The following EXO1 variants were observed in gnomAD, a reference collection of about 807,000 sequenced individuals.
EXO1 encodes exonuclease 1.
In EXO1, 69 loss-of-function variants were observed where a neutral mutation model predicts 84.5. The ratio of observed to expected loss-of-function variants is 0.82; its 90% confidence interval spans 0.67 to 1.00. EXO1 has a LOEUF of 1.00. Among genes scored for constraint, EXO1 ranks in the 50% least tolerant of loss-of-function variants. The pLI is 0.00. For missense variants in EXO1, 1,045 were observed against 1,000.7 expected (o/e 1.04, Z -0.60); for synonymous variants, 373 against 366.1 (o/e 1.02, Z -0.21).
At chr1:241,876,752 G>T (rs1275652412) in intron 12 of EXO1, among the ~76,000 whole-genome samples, 1 of 152,130 alleles carries the variant, frequency 6.6e-6, no homozygotes, top group Non-Finnish European at 1.5e-5. Flanking sequence ...GAGAGGTTAA[G>T]CATTCTCAAA....
intron 14 of EXO1, among the ~76,000 whole-genome samples, chr1:241,882,353 T>A (rs940241912): frequency 2.0e-5 from 3 of 152,138 alleles, no homozygotes; most frequent in Non-Finnish European, 4.4e-5. Flanking sequence ...CAAGATCTTG[T>A]GGATAAATAT....
rs1348876025 is a variant in EXO1 at position 241,879,105 on chromosome 1, C to T, written c.1871C>T (p.Pro624Leu). The T allele has an allele frequency of 1.2e-6, 2 of 1,613,926 alleles. No individual in the cohort carries two copies. The highest frequency in any genetic ancestry group is 1.7e-6 in the Non-Finnish European group (2 of 1,179,790). ...GLGDFSRTPS[P>L]SPSTALQQFR... Reference sequence around the variant, plus strand: ...GGAGATTTTTCAAGAACGCCGAGCCCCTCTCCAAGCACAGCATTGCAGCAG... The same window carrying T: ...GGAGATTTTTCAAGAACGCCGAGCCTCTCTCCAAGCACAGCATTGCAGCAG... The change falls in exon 13 of 16, where the codon CCC becomes CTC. Residue 624 changes from proline (P) to leucine (L), a missense_variant. Transcript: ENST00000366548.
At chr1:241,858,781 A>G in intron 8 of EXO1, 63 bp downstream of exon 8, 1 of 1,051,226 alleles carries the variant, frequency 9.5e-7, no homozygotes, top group Non-Finnish European at 1.5e-6. Context: ...AAAATAATAA[A>G]TCATAATATG....
intron 11 of EXO1, among the ~76,000 whole-genome samples, chr1:241,871,796 G>T (rs1208341047): frequency 6.6e-6 from 1 of 151,870 alleles, no homozygotes; most frequent in Non-Finnish European, 1.5e-5. Context: ...ATTTTAACAT[G>T]AAATTGTATA....
rs4149962 is a variant in EXO1 at position 241,872,046 on chromosome 1, G to A, written c.1282G>A (p.Asp428Asn). 1.9e-6 allele frequency: 3 copies of A among 1,612,838 alleles called. No individual in the cohort carries two copies. The African/African-American group carries it at 4.0e-5, about 22-fold the overall frequency. ...KRPRSAELSE[D>N]DLLSQYSLSF... Reference sequence around the variant, plus strand: ...TTTTTATTTAGCAGAGCTGTCAGAAGATGACCTGTTGAGTCAGTATTCTCT... The same window carrying A: ...TTTTTATTTAGCAGAGCTGTCAGAAAATGACCTGTTGAGTCAGTATTCTCT... The change falls in exon 12 of 16, where the codon GAT becomes AAT. Residue 428 changes from aspartate to asparagine, a missense_variant. Transcript: ENST00000366548.
Position 241,881,959 on chromosome 1 carries a change from A to G in EXO1, c.2153A>G (p.Gln718Arg), listed in dbSNP as rs1226492220. Residue 718 changes from glutamine (Q) to arginine (R), a missense_variant, in exon 14 of 16, where the codon CAG becomes CGG. By Grantham distance (43) the Gln-to-Arg change is conservative (BLOSUM62 1). Transcript: ENST00000366548. ...AAGTTACTTGACAGTCAAAGTGACC[A>G]GACCTCCAAGCTACGTTTATCTCAT... is the stretch of plus-strand genomic sequence containing the variant. ...NIKLLDSQSD[Q>R]TSKLRLSHFS... The G allele has an allele frequency of 6.3e-7, 1 of 1,584,666 alleles. No homozygotes were observed. The highest frequency in any genetic ancestry group is 1.1e-5 in the South Asian group (1 of 89,036).
At chr1:241,867,204 A>G in intron 11 of EXO1, 149 bp downstream of exon 11, 3 of 713,642 alleles carry the variant, frequency 4.2e-6, no homozygotes, top group Non-Finnish European at 7.5e-6. Flanking sequence ...TGATAAACAC[A>G]TACCTGAGAC....
Position 241,879,443 on chromosome 1 carries a change from C to T in EXO1, c.2109+100C>T, listed in dbSNP as rs1220575919. Reference sequence around the variant, plus strand: ...ATTTTTCCTACATGTGAATGACGAGCTATATTATTTTTTCATTCTAAACTC... The same window carrying T: ...ATTTTTCCTACATGTGAATGACGAGTTATATTATTTTTTCATTCTAAACTC... On this transcript the variant is annotated intron_variant, in intron 13 of 15. Transcript: ENST00000366548. 3 of 695,624 alleles carry T rather than the reference C, an allele frequency of 4.3e-6. No homozygotes were observed. In the East Asian group the frequency reaches 8.0e-5, roughly 19 times the overall value. 43.1% of individuals were successfully genotyped at this position (695,624 alleles called of 1,614,324 possible).
intron 11 of EXO1, among the ~76,000 whole-genome samples, chr1:241,868,886 G>C (rs1661912848): frequency 6.6e-6 from 1 of 151,992 alleles, no homozygotes; most frequent in Non-Finnish European, 1.5e-5. Context: ...TTGTTTTCTA[G>C]TTGTTCATTG....
intron 15 of EXO1, among the ~76,000 whole-genome samples, chr1:241,887,003 A>T (rs955729099): frequency 6.6e-6 from 1 of 152,190 alleles, no homozygotes; most frequent in African/African-American, 2.4e-5. Context: ...TGTAGTTAGA[A>T]AATATATACT....
intron 10 of EXO1, among the ~76,000 whole-genome samples, chr1:241,863,281 A>G (rs1428558121): frequency 1.3e-5 from 2 of 152,092 alleles, no homozygotes; most frequent in East Asian, 3.8e-4. Flanking sequence ...TTTCCAGCTG[A>G]CCATTTTCGT....
intron 6 of EXO1, among the ~76,000 whole-genome samples, chr1:241,853,964 C>T (rs1478565051): frequency 6.6e-6 from 1 of 152,194 alleles, no homozygotes; most frequent in Non-Finnish European, 1.5e-5. Flanking sequence ...AATGACAGAT[C>T]TGTGATGTAG....
rs1177473210 is a variant in EXO1 at position 241,879,326 on chromosome 1, A to G, written c.2092A>G (p.Lys698Glu). The G allele has an allele frequency of 1.9e-6, 3 of 1,596,290 alleles. No homozygotes were observed. The highest frequency in any genetic ancestry group is 2.6e-6 in the Non-Finnish European group (3 of 1,166,896). ...ATCAAAGCTTTCTCAGTGCTCTAGT[A>G]AGGACTCTGATTCAGAGGTAAGTCA... ...NASKLSQCSS[K>E]DSDSEESDCN... is the part of the protein sequence containing the mutation. The change falls in exon 13 of 16, where the codon AAG (lysine) becomes GAG (glutamate). Residue 698 changes from lysine to glutamate, a missense_variant. Coordinates refer to ENST00000366548, the MANE Select transcript of EXO1 (RefSeq NM_130398.4).
At chr1:241,872,634 T>C (rs1454103598) in intron 12 of EXO1, among the ~76,000 whole-genome samples, 1 of 152,306 alleles carries the variant, frequency 6.6e-6, no homozygotes, top group East Asian at 1.9e-4. Flanking sequence ...ATTAGTTTGC[T>C]GAGAATGATG....
chr1:241,888,973 G>A (rs565211146), intron 15 of EXO1, among the ~76,000 whole-genome samples: 1 of 152,264 alleles, frequency 6.6e-6, no homozygotes, highest in East Asian at 1.9e-4. Context: ...TACTCGGGCT[G>A]AGGCAAGATA....
chr1:241,863,716 T>C (rs2148443317), intron 10 of EXO1, among the ~76,000 whole-genome samples: 1 of 152,350 alleles, frequency 6.6e-6, no homozygotes, highest in East Asian at 1.9e-4. Flanking sequence ...CTCAGGTTGC[T>C]ATTCCCCTAT....
intron 12 of EXO1, among the ~76,000 whole-genome samples, chr1:241,876,321 C>T (rs1195228047): frequency 6.6e-6 from 1 of 152,148 alleles, no homozygotes; most frequent in Non-Finnish European, 1.5e-5. Flanking sequence ...TAGGCTCACA[C>T]CTATAATCTC....
intron 11 of EXO1, among the ~76,000 whole-genome samples, chr1:241,869,573 G>A (rs940861125): frequency 2.6e-5 from 4 of 151,870 alleles, no homozygotes; most frequent in African/African-American, 7.3e-5. Context: ...ATACATATTC[G>A]GCCGAAATAT....
At chr1:241,884,834 A>C (rs1662960899) in intron 14 of EXO1, among the ~76,000 whole-genome samples, 1 of 152,244 alleles carries the variant, frequency 6.6e-6, no homozygotes, top group South Asian at 2.1e-4. Flanking sequence ...TGTTAAAATA[A>C]TTTATGATGA....
Sources: allele counts gnomAD v4.1 joint callset (sites outside exome capture counted in the v4.1 genomes callset), GRCh38; gene constraint gnomAD v4.1.1; transcripts MANE v1.5; gene names NCBI Gene and HGNC (gene_info 2026-07-23, HGNC 2026-07-21).